The following BRS3 variants were observed in gnomAD, a reference collection of about 807,000 sequenced individuals.
BRS3 encodes the protein bombesin receptor subtype 3, also known as bombesin receptor subtype-3.
Under a neutral mutation model 18.8 loss-of-function variants are expected in BRS3, and 5 were observed. The ratio of observed to expected loss-of-function variants is 0.27; its 90% CI spans 0.14 to 0.56. BRS3 has a LOEUF of 0.56. Ranked by LOEUF, BRS3 falls within the 20% of genes least tolerant of loss-of-function variation. BRS3 has a pLI of 0.93. For missense variants in BRS3, 215 were observed against 296.3 expected (o/e 0.73, Z 2.01); for synonymous variants, 121 against 115.0 (o/e 1.05, Z -0.33).
rs754593042 is a variant in BRS3, at chrX:136,491,913, G to GTTTT, written c.787-26_787-23dup. ...TTTTTTTGTTGTTGTTGTTTTTTGT[G>GTTTT]TTTTTTTTTTTTTTTTTTTTTTTTT... On this transcript the variant is annotated intron_variant, in intron 2 of 2. Transcript: ENST00000370648. The GTTTT allele has an allele frequency of 1.1e-3, 495 of 436,529 alleles. 34 individuals are homozygous for GTTTT. Among genetic ancestry groups the GTTTT allele is most frequent in the African/African-American group, 7.3e-3 (90 of 12,327 alleles). 36.0% of individuals were successfully genotyped at this position (436,529 alleles called of 1,213,427 possible).
rs1276713728 is a variant in BRS3, at chrX:136,488,361, A to G, written c.247A>G (p.Asn83Asp). The G allele has an allele frequency of 8.3e-7, 1 of 1,212,052 alleles. No individual in the cohort carries two copies. The highest frequency in any genetic ancestry group is 1.1e-6 in the Non-Finnish European group (1 of 895,592). ...FKTKSMQTVP[N>D]IFITSLAFGD... ...GACCAAATCCATGCAAACAGTTCCA[A>G]ATATTTTCATCACCAGCCTGGCTTT... The change falls in exon 1 of 3, where the codon AAT becomes GAT. Residue 83 changes from asparagine to aspartate, a missense_variant. Asn to Asp is a conservative substitution (Grantham distance 23). This residue lies in a region of BRS3 where 123 missense variants were observed against 207.6 expected (regional missense o/e 0.59). Transcript: ENST00000370648.
At chrX:136,491,271 C>T (rs1052336525) in intron 2 of BRS3, among the ~76,000 whole-genome samples, 2 of 112,019 alleles carry the variant, frequency 1.8e-5, no homozygotes, top group African/African-American at 6.5e-5. Context: ...GTTAGTTTAA[C>T]AATGGTGCTC....
chrX:136,492,481 A>C lies in BRS3; in HGVS notation c.*106A>C. 1 of 851,911 alleles carries C rather than the reference A, an allele frequency of 1.2e-6. No homozygotes were observed. Among genetic ancestry groups the C allele is most frequent in the Non-Finnish European group, 1.6e-6 (1 of 621,231 alleles). 70.2% of individuals were successfully genotyped at this position (851,911 alleles called of 1,213,427 possible). A position where few individuals can be genotyped will look rare whatever the true frequency, so the allele number is the denominator to read the frequency against. ...TTTTGTTGTTTGAAAAGTGTGTTGA[A>C]ATCTTAGGAGTGAAGGATCCCTATA... is the stretch of plus-strand genomic sequence containing the variant. On this transcript the variant is annotated 3_prime_UTR_variant, in exon 3 of 3. Transcript: ENST00000370648.
chrX:136,490,557 T>A, intron 2 of BRS3, 73 bp downstream of exon 2: 1 of 806,233 alleles, frequency 1.2e-6, no homozygotes, highest in Non-Finnish European at 1.7e-6. Flanking sequence ...GCACAGTGAG[T>A]AACTGTGTAT....
intron 2 of BRS3, 31 bp downstream of exon 2, chrX:136,490,515 A>G (rs1345315600): frequency 1.9e-6 from 2 of 1,058,352 alleles, no homozygotes; most frequent in African/African-American, 1.9e-5. Context: ...ATGCAAATCT[A>G]GTTTGAATTT....
chrX:136,488,389 G>C lies in BRS3; in HGVS notation c.275G>C (p.Gly92Ala). 1 of 1,211,908 alleles carries C rather than the reference G, an allele frequency of 8.3e-7. No individual in the cohort carries two copies. The highest frequency in any genetic ancestry group is 1.1e-6 in the Non-Finnish European group (1 of 895,570). ...ATTTTCATCACCAGCCTGGCTTTTGGAGATCTTTTACTTCTGCTAACTTGT... is the reference window on the plus strand; with the variant it reads ...ATTTTCATCACCAGCCTGGCTTTTGCAGATCTTTTACTTCTGCTAACTTGT... ...PNIFITSLAF[G>A]DLLLLLTCVP... The change falls in exon 1 of 3, where the codon GGA becomes GCA. Residue 92 changes from glycine to alanine, a missense_variant. By Grantham distance (60) the Gly-to-Ala change is moderately conservative. Around this residue, in one of 3 missense-constraint regions of BRS3, gnomAD observed 123 missense variants for 207.6 expected, o/e 0.59. Coordinates refer to ENST00000370648, the MANE Select transcript of BRS3 (RefSeq NM_001727.2).
chrX:136,490,732 G>C (rs921305477), intron 2 of BRS3, among the ~76,000 whole-genome samples: 4 of 111,805 alleles, frequency 3.6e-5, no homozygotes, highest in Non-Finnish European at 7.5e-5. Context: ...ATTACTAGAT[G>C]ATATAGATGA....
rs773324636 is a variant in BRS3 at position 136,491,913 on chromosome X, G to GTGTTGTTTTTTT, written c.787-48_787-47insGTTGTTTTTTTT. ...TTTTTTTGTTGTTGTTGTTTTTTGT[G>GTGTTGTTTTTTT]TTTTTTTTTTTTTTTTTTTTTTTTT... On this transcript the variant is annotated intron_variant, in intron 2 of 2. Coordinates refer to ENST00000370648, the MANE Select transcript of BRS3 (RefSeq NM_001727.2). 6.9e-6 allele frequency: 3 copies of GTGTTGTTTTTTT among 431,735 alleles called. No individual in the cohort carries two copies. In the African/African-American group the frequency reaches 2.4e-4, roughly 35 times the overall value. 35.6% of individuals were successfully genotyped at this position (431,735 alleles called of 1,213,427 possible).
intron 2 of BRS3, 49 bp from the exon 3 acceptor site, chrX:136,491,913 G>GTTTGT: frequency 2.3e-6 from 1 of 435,531 alleles, no homozygotes; most frequent in Non-Finnish European, 2.8e-6. Context: ...TGTTTTTTGT[G>GTTTGT]TTTTTTTTTT....
chrX:136,490,600 A>G, intron 2 of BRS3, 116 bp downstream of exon 2: 1 of 561,351 alleles, frequency 1.8e-6, no homozygotes, highest in South Asian at 6.2e-5. Flanking sequence ...GCAGTGTAGT[A>G]TTTTTGTTAT....
intron 1 of BRS3, among the ~76,000 whole-genome samples, chrX:136,489,385 T>C (rs2075662327): frequency 1.8e-5 from 2 of 112,049 alleles, no homozygotes; most frequent in Admixed American, 9.4e-5. Context: ...CCAGAAGGAA[T>C]AACTTCTTCA....
In BRS3 at chrX:136,492,023, G is replaced by A. The variant is rs1379159696; in HGVS notation, c.848G>A (p.Cys283Tyr). The change falls in exon 3 of 3, where the codon TGC becomes TAC. Residue 283 changes from cysteine to tyrosine, a missense_variant. By Grantham distance (194) the Cys-to-Tyr change is radical. Around this residue, in one of 3 missense-constraint regions of BRS3, gnomAD observed 123 missense variants for 207.6 expected, o/e 0.59. Transcript: ENST00000370648. ...GTGTTGGTGGCTCTGTTTGCCCTCT[G>A]CTGGTTGCCAAATCACCTCCTGTAC... The part of the protein sequence containing the change: ...VLVLVALFAL[C>Y]WLPNHLLYLY... The A allele has an allele frequency of 8.6e-7, 1 of 1,165,130 alleles. No individual in the cohort carries two copies. The highest frequency in any genetic ancestry group is 2.3e-5 in the Admixed American group (1 of 42,846).
Position 136,490,175 on chromosome X carries a change from T to C in BRS3, c.477T>C (p.Asn159=). The change falls in exon 2 of 3, where the codon AAT becomes AAC. Residue 159 remains asparagine (N), a synonymous_variant. Transcript: ENST00000370648. ...VVKPLERQPS[N]AILKTCVKAG... ...AGCCACTTGAGCGACAGCCCTCCAA[T>C]GCCATCCTGAAGACTTGTGTAAAAG... 1 of 1,207,758 alleles carries C rather than the reference T, an allele frequency of 8.3e-7. No individual in the cohort carries two copies. The highest frequency in any genetic ancestry group is 1.1e-6 in the Non-Finnish European group (1 of 892,513).
rs1331847621 is a variant in BRS3, at chrX:136,493,137, TG to T, written c.*763del. Reference sequence around the variant, plus strand: ...ACCTCTGTTGAAAAATCTGCAAACCTGCCACAGTGTCTGAAATTCTTCCTTT... The same window carrying T: ...ACCTCTGTTGAAAAATCTGCAAACCTCCACAGTGTCTGAAATTCTTCCTTT... On this transcript the variant is annotated 3_prime_UTR_variant, in exon 3 of 3. Transcript: ENST00000370648. 5 of 112,517 alleles carry T rather than the reference TG, an allele frequency of 4.4e-5. No individual in the cohort carries two copies. The highest frequency in any genetic ancestry group is 9.4e-5 in the Admixed American group (1 of 10,685). 9.3% of individuals were successfully genotyped at this position (112,517 alleles called of 1,213,427 possible).
rs2075676461 is a variant in BRS3, at chrX:136,493,364, T to C, written c.*989T>C. On this transcript the variant is annotated 3_prime_UTR_variant, in exon 3 of 3. Transcript: ENST00000370648. ...CCCATGGAAATCAGATGGAAAGTTCTGATTTTCTATCCTGTGCTCCTACCT... is the reference window on the plus strand; with the variant it reads ...CCCATGGAAATCAGATGGAAAGTTCCGATTTTCTATCCTGTGCTCCTACCT... 1 of 111,313 alleles carries C rather than the reference T, an allele frequency of 9.0e-6. No homozygotes were observed. The highest frequency in any genetic ancestry group is 3.3e-5 in the African/African-American group (1 of 30,558). The allele number at this position is 111,313 out of a possible 1,213,427, so 9.2% of individuals were successfully genotyped here.
At chrX:136,489,221 T>C (rs1392608781) in intron 1 of BRS3, among the ~76,000 whole-genome samples, 3 of 111,793 alleles carry the variant, frequency 2.7e-5, no homozygotes, top group Non-Finnish European at 5.6e-5. Flanking sequence ...GTTCAGATTC[T>C]GTGTTAGGAT....
rs781252509 is a variant in BRS3, at chrX:136,488,566, A to T, written c.434+18A>T. 1.7e-6 allele frequency: 2 copies of T among 1,179,303 alleles called. No homozygotes were observed. Among genetic ancestry groups the T allele is most frequent in the Admixed American group, 4.7e-5 (2 of 42,157 alleles). Reference sequence around the variant, plus strand: ...GCTGACAGGTGAGTTTCTTTTCTCCATTATATTTGCCAGGATGTGAAATTG... The same window carrying T: ...GCTGACAGGTGAGTTTCTTTTCTCCTTTATATTTGCCAGGATGTGAAATTG... On this transcript the variant is annotated intron_variant, in intron 1 of 2. Coordinates refer to ENST00000370648, the MANE Select transcript of BRS3 (RefSeq NM_001727.2).
intron 1 of BRS3, 124 bp downstream of exon 1, chrX:136,488,672 G>C (rs1000432052): frequency 1.1e-5 from 8 of 698,932 alleles, no homozygotes; most frequent in South Asian, 3.4e-5. Context: ...GTGGATGTGA[G>C]ATTGGAAAAT....
chrX:136,492,324 TG>T lies in BRS3; in HGVS notation c.1150del (p.Val384Ter), dbSNP rs1433900833. 1 of 1,211,158 alleles carries T rather than the reference TG, an allele frequency of 8.3e-7. No individual in the cohort carries two copies. Among genetic ancestry groups the T allele is most frequent in the Admixed American group, 2.2e-5 (1 of 46,019 alleles). ...TGSIQMSEIS[V>X]TSFTGCSVKQ... ...GGAGCATACAGATGTCTGAAATTAG[TG>T]TGACCTCGTTCACTGGGTGTAGTGT... On this transcript the variant is annotated frameshift_variant, in exon 3 of 3. Coordinates refer to ENST00000370648, the MANE Select transcript of BRS3 (RefSeq NM_001727.2). LOFTEE classifies it high-confidence loss of function.
Sources: gnomAD v4.1 joint callset for allele counts (sites outside exome capture counted in the v4.1 genomes callset) on GRCh38, gnomAD v4.1.1 for gene constraint, gnomAD v4.1.1 regional missense constraint, MANE v1.5 for transcripts, NCBI Gene and HGNC (gene_info 2026-07-23, HGNC 2026-07-21) for gene names.